Variants in MTUS2 observed in about 807,000 individuals in gnomAD.
MTUS2 encodes the protein microtubule associated scaffold protein 2.
In MTUS2, 40 loss-of-function variants were observed where a neutral mutation model predicts 114.1. The observed-to-expected ratio is 0.35, with a 90% CI of 0.27 to 0.46. MTUS2 has a LOEUF of 0.46. Among genes scored for constraint, MTUS2 ranks in the 20% least tolerant of loss-of-function variants. MTUS2 has a pLI of 1.00. For missense variants in MTUS2, 1,679 were observed against 1,705.4 expected (o/e 0.98, Z 0.27); for synonymous variants, 688 against 672.0 (o/e 1.02, Z -0.37).
intron 3 of MTUS2, 28 bp downstream of exon 3, chr13:29,026,931 T>C (rs762628861): frequency 6.5e-7 from 1 of 1,534,352 alleles, no homozygotes; most frequent in South Asian, 1.3e-5. Flanking sequence ...TGATATGGTC[T>C]ATAAGTTGAC....
At chr13:29,105,312 C>T (rs1015286511) in intron 5 of MTUS2, among the ~76,000 whole-genome samples, 15 of 152,050 alleles carry the variant, frequency 9.9e-5, no homozygotes, top group Non-Finnish European at 8.8e-5. Flanking sequence ...TCTTTAGGAA[C>T]ATGTGCGGAG....
chr13:29,361,453 T>C (rs1870245114), intron 8 of MTUS2, among the ~76,000 whole-genome samples: 1 of 152,182 alleles, frequency 6.6e-6, no homozygotes, highest in African/African-American at 2.4e-5. Context: ...AAACAGAAGA[T>C]AAAATGTTTT....
chr13:29,024,782 C>A lies in MTUS2; in HGVS notation c.84C>A (p.Ser28Arg). The A allele has an allele frequency of 6.2e-7, 1 of 1,613,988 alleles. No individual in the cohort carries two copies. The highest frequency in any genetic ancestry group is 8.5e-7 in the Non-Finnish European group (1 of 1,179,902). The change falls in exon 3 of 16, where the codon AGC becomes AGA. Residue 28 changes from serine (S) to arginine (R), a missense_variant. Around this residue, in one of 3 missense-constraint regions of MTUS2, gnomAD observed 843 missense variants for 770.8 expected, o/e 1.09. Transcript: ENST00000612955. ...ATGCAGCAAGAAATAATAATGAAAG[C>A]ATCTTAAGTCTGGGAGATACGAATG... The part of the protein sequence containing the change: ...NRNAARNNNE[S>R]ILSLGDTNAN...
chr13:29,397,368 A>G (rs1403016547), intron 8 of MTUS2, among the ~76,000 whole-genome samples: 2 of 151,950 alleles, frequency 1.3e-5, no homozygotes, highest in Non-Finnish European at 2.9e-5. Flanking sequence ...ACCTACTTCC[A>G]GTTTCTTGGC....
chr13:29,093,999 G>GTATA (rs1890071854), intron 4 of MTUS2, among the ~76,000 whole-genome samples: 1 of 152,034 alleles, frequency 6.6e-6, no homozygotes, highest in African/African-American at 2.4e-5. Flanking sequence ...TATTAATATG[G>GTATA]TATAGTACAT....
intron 4 of MTUS2, among the ~76,000 whole-genome samples, chr13:29,066,289 A>G (rs956557679): frequency 4.6e-5 from 7 of 152,168 alleles, no homozygotes; most frequent in African/African-American, 1.7e-4. Flanking sequence ...TTTTGCTTTT[A>G]CACATTTATT....
intron 2 of MTUS2, among the ~76,000 whole-genome samples, chr13:28,998,637 C>G (rs1201744751): frequency 6.6e-6 from 1 of 152,130 alleles, no homozygotes; most frequent in Non-Finnish European, 1.5e-5. Flanking sequence ...TCATTTCATT[C>G]ATTTGACCTT....
At chr13:29,178,885 C>T (rs867174739) in intron 5 of MTUS2, among the ~76,000 whole-genome samples, 41 of 152,168 alleles carry the variant, frequency 2.7e-4, no homozygotes, top group Middle Eastern at 3.4e-3. Flanking sequence ...AGTAAGACTA[C>T]GTAAATTAAA....
chr13:28,927,121 CG>C (rs1316498566), intron 2 of MTUS2, among the ~76,000 whole-genome samples: 1 of 152,110 alleles, frequency 6.6e-6, no homozygotes, highest in African/African-American at 2.4e-5. Context: ...TCTACTTAAA[CG>C]TACAGTGTGT....
chr13:29,310,011 A>G (rs543902356), intron 6 of MTUS2, among the ~76,000 whole-genome samples: 6 of 152,220 alleles, frequency 3.9e-5, no homozygotes, highest in South Asian at 2.1e-4. Flanking sequence ...ACTAGATCCT[A>G]TTTATTCTAT....
At chr13:29,359,112 T>G (rs1870008581) in intron 7 of MTUS2, 150 bp from the exon 8 acceptor site, 1 of 757,032 alleles carries the variant, frequency 1.3e-6, no homozygotes, top group Non-Finnish European at 2.1e-6. Context: ...AGTCCCTGAC[T>G]GTTTTTTCTT....
At chr13:29,390,439 A>T (rs79205307) in intron 8 of MTUS2, among the ~76,000 whole-genome samples, 28,595 of 151,604 alleles carry the variant, frequency 0.19, 2,870 homozygotes, top group Middle Eastern at 0.26. Flanking sequence ...GGATCACTTG[A>T]GGTCAGGAGT....
At chr13:29,347,116 G>A (rs1449957335) in intron 7 of MTUS2, among the ~76,000 whole-genome samples, 2 of 152,108 alleles carry the variant, frequency 1.3e-5, no homozygotes, top group African/African-American at 4.8e-5. Context: ...AGAGTTCACA[G>A]TGTGTCTCCA....
chr13:28,938,474 T>A (rs538303189), intron 2 of MTUS2, among the ~76,000 whole-genome samples: 4 of 152,302 alleles, frequency 2.6e-5, no homozygotes, highest in Admixed American at 2.0e-4. Flanking sequence ...ATCAGAATGA[T>A]AAGAATATTT....
At chr13:29,245,623 G>A (rs184646910) in intron 5 of MTUS2, among the ~76,000 whole-genome samples, 2 of 152,034 alleles carry the variant, frequency 1.3e-5, no homozygotes, top group African/African-American at 4.8e-5. Flanking sequence ...TTGCTTTCTA[G>A]CAAAGACAGA....
At chr13:28,956,990 G>T (rs1440888476) in intron 2 of MTUS2, among the ~76,000 whole-genome samples, 1 of 152,154 alleles carries the variant, frequency 6.6e-6, no homozygotes, top group Non-Finnish European at 1.5e-5. Context: ...AGGTGAGCTG[G>T]CGGGAAGGAA....
At chr13:28,837,633 A>C (rs567883069) in intron 1 of MTUS2, among the ~76,000 whole-genome samples, 2 of 152,344 alleles carry the variant, frequency 1.3e-5, no homozygotes, top group East Asian at 3.9e-4. Flanking sequence ...ATCTGTATTA[A>C]CATAAAGTCA....
In MTUS2 at chr13:29,477,425, T is replaced by C. The variant is rs75248542; in HGVS notation, c.3185-2725T>C. Among the ~76,000 whole-genome samples the C allele has an allele frequency of 7.8e-3, 1,192 of 152,280 alleles. 16 individuals are homozygous for C. Among genetic ancestry groups the C allele is most frequent in the African/African-American group, 0.027 (1,136 of 41,562 alleles). On this transcript the variant is annotated intron_variant, in intron 9 of 15. Coordinates refer to ENST00000612955, the MANE Select transcript of MTUS2 (RefSeq NM_001033602.4). ...TAGTTGGAGGGTCTTTAGGGAGAGC[T>C]GGAGCTCAAGTAAGCTGGGGTCACA...
upstream of MTUS2, among the ~76,000 whole-genome samples, chr13:28,820,128 G>C (rs1019801789): frequency 2.7e-5 from 4 of 146,886 alleles, no homozygotes; most frequent in Non-Finnish European, 4.5e-5. Context: ...GGCGGCCGCC[G>C]GCCCCGCGGC....
Sources: gnomAD v4.1 joint callset for allele counts (sites outside exome capture counted in the v4.1 genomes callset) on GRCh38, gnomAD v4.1.1 for gene constraint, gnomAD v4.1.1 regional missense constraint, MANE v1.5 for transcripts, NCBI Gene and HGNC (gene_info 2026-07-23, HGNC 2026-07-21) for gene names.